FLT4: variants seen among roughly 807,000 people sequenced by gnomAD.
The protein encoded by FLT4 is fms related receptor tyrosine kinase 4.
FLT4 carries 30 observed loss-of-function variants against 163.2 expected under a neutral mutation model. That is an observed-to-expected ratio of 0.18 (90% CI 0.14 to 0.25). The LOEUF (loss-of-function observed/expected upper bound fraction) is 0.25. Among genes scored for constraint, FLT4 ranks in the 10% least tolerant of loss-of-function variants. The probability of loss-of-function intolerance (pLI) is 1.00; values close to 1 mark genes in which losing one functional copy is unlikely to be tolerated. For synonymous variants in FLT4, 884 were observed against 789.5 expected (o/e 1.12, Z -2.01); for missense variants, 1,510 against 1,863.8 (o/e 0.81, Z 3.50).
At chr5:180,611,601 CGCA>C in intron 26 of FLT4, 122 bp from the exon 27 acceptor site, 2 of 1,074,348 alleles carry the variant, frequency 1.9e-6, no homozygotes, top group Non-Finnish European at 2.7e-6. Context: ...CCCTCGCCCC[CGCA>C]CTCAGCTCTC....
intron 27 of FLT4, among the ~76,000 whole-genome samples, chr5:180,610,310 C>T (rs1404912226): frequency 6.6e-6 from 1 of 152,248 alleles, no homozygotes; most frequent in Non-Finnish European, 1.5e-5. Context: ...TGGCATGGAG[C>T]TCCTCCCGGG....
chr5:180,630,796 T>G lies in FLT4; in HGVS notation c.159A>C (p.Gly53=). 1.9e-6 allele frequency: 3 copies of G among 1,601,596 alleles called. No individual in the cohort carries two copies. Among genetic ancestry groups the G allele is most frequent in the Non-Finnish European group, 2.5e-6 (3 of 1,178,340 alleles). The change falls in exon 3 of 30, where the codon GGA becomes GGC. Residue 53 remains glycine, a synonymous_variant. Transcript: ENST00000261937. The surrounding 1 kb of genome is among the most constrained non-coding windows in gnomAD (Gnocchi z 6.3). ...TGDSLSISCR[G]QHPLEWAWPG... Reference sequence around the variant, plus strand: ...GCCAAGCCCACTCGAGGGGGTGCTGTCCCCTGGCAGAGGACAGGAGTGGTC... The same window carrying G: ...GCCAAGCCCACTCGAGGGGGTGCTGGCCCCTGGCAGAGGACAGGAGTGGTC...
rs185500542 is a variant in FLT4, at chr5:180,617,121, C to T, written c.3002-127G>A. 176 of 730,702 alleles carry T rather than the reference C, an allele frequency of 2.4e-4. No individual in the cohort carries two copies. In the African/African-American group the frequency reaches 2.8e-3, roughly 11 times the overall value. The allele number at this position is 730,702 out of a possible 1,614,324, so 45.3% of individuals were successfully genotyped here. On this transcript the variant is annotated intron_variant, in intron 21 of 29. Coordinates refer to ENST00000261937, the MANE Select transcript of FLT4 (RefSeq NM_182925.5). ...CCCTCAGACTCTGGGACACCCACATCCTACTCCAGAGCACCCTCTCCTGCC... is the reference window on the plus strand; with the variant it reads ...CCCTCAGACTCTGGGACACCCACATTCTACTCCAGAGCACCCTCTCCTGCC...
chr5:180,640,253 C>G (rs1395323230), intron 1 of FLT4, among the ~76,000 whole-genome samples: 1 of 152,208 alleles, frequency 6.6e-6, no homozygotes, highest in Admixed American at 6.5e-5. Context: ...ATCCTCACAG[C>G]AGCCTGGGAG....
intron 1 of FLT4, among the ~76,000 whole-genome samples, chr5:180,641,693 CCT>C (rs984229459): frequency 6.6e-6 from 1 of 152,178 alleles, no homozygotes; most frequent in African/African-American, 2.4e-5. Flanking sequence ...GCCAGCAGCC[CCT>C]GTGCCTTCAG....
Position 180,624,831 on chromosome 5 carries a change from T to C in FLT4, c.1422-770A>G, listed in dbSNP as rs577532658. ...CAGCAAGCTTGGCCTCCTGCCAGGA[T>C]TGGGGGGGTAGTCTCAGGGCCCCAA... On this transcript the variant is annotated intron_variant, in intron 10 of 29. Transcript: ENST00000261937. 3.9e-3 allele frequency among the ~76,000 whole-genome samples: 591 copies of C among 152,294 alleles called. 3 individuals carry two copies. The highest frequency in any genetic ancestry group is 5.8e-3 in the Non-Finnish European group (395 of 68,018).
In FLT4 at chr5:180,620,764, G is replaced by A. The variant is rs199518698; in HGVS notation, c.2300-49C>T. 47 of 1,594,106 alleles carry A rather than the reference G, an allele frequency of 2.9e-5. No individual in the cohort carries two copies. In the East Asian group the frequency reaches 8.7e-4, roughly 30 times the overall value. On this transcript the variant is annotated intron_variant, in intron 15 of 29. Coordinates refer to ENST00000261937, the MANE Select transcript of FLT4 (RefSeq NM_182925.5). This position sits in a 1 kb window ranked among gnomAD's most constrained non-coding sequence, Gnocchi z 4.4. ...CGTGTGTGTGTGTGTGTGTAAGAGCGTGCACCTGCAGGCAGCACCCCTTCT... is the reference window on the plus strand; with the variant it reads ...CGTGTGTGTGTGTGTGTGTAAGAGCATGCACCTGCAGGCAGCACCCCTTCT...
chr5:180,613,455 G>T, intron 24 of FLT4: 1 of 311,950 alleles, frequency 3.2e-6, no homozygotes. Context: ...AGCCTCTCTT[G>T]CTTCTCGCTG....
chr5:180,633,029 G>A (rs1764304486), intron 1 of FLT4, among the ~76,000 whole-genome samples: 2 of 152,106 alleles, frequency 1.3e-5, no homozygotes, highest in Admixed American at 6.5e-5. Context: ...TGGGGTTTGA[G>A]GCAGCAGTAG....
intron 1 of FLT4, among the ~76,000 whole-genome samples, chr5:180,643,917 T>G (rs2127868681): frequency 6.6e-6 from 1 of 151,764 alleles, no homozygotes; most frequent in South Asian, 2.1e-4. Flanking sequence ...CGCCTCCCAG[T>G]TTCAAACAGT....
At position 180,613,035 on chromosome 5, in the gene FLT4, G is replaced by A. The variant is rs749833398; in HGVS notation, c.3407C>T (p.Ala1136Val). Residue 1136 changes from alanine to valine, a missense_variant, in exon 25 of 30, where the codon GCC becomes GTC. Physicochemically the swap from Ala to Val is moderately conservative, Grantham distance 64. This residue lies in a region of FLT4 where 295 missense variants were observed against 311.0 expected (regional missense o/e 0.95). Transcript: ENST00000261937. ...QRLRDGTRMR[A>V]PELATPAIRR... ...CATGGCGGGAGTGGCCAGCTCCGGG[G>A]CCCTCATCCTTGTGCCGTCTCTCAG... is the stretch of plus-strand genomic sequence containing the variant. 3.1e-6 allele frequency: 5 copies of A among 1,613,342 alleles called. No homozygotes were observed. Among genetic ancestry groups the A allele is most frequent in the African/African-American group, 1.3e-5 (1 of 75,024 alleles).
Position 180,618,908 on chromosome 5 carries a change from C to G in FLT4, c.2863G>C (p.Glu955Gln), listed in dbSNP as rs751201470. 8.3e-5 allele frequency: 132 copies of G among 1,585,514 alleles called. No individual in the cohort carries two copies. The highest frequency in any genetic ancestry group is 4.8e-5 in the Non-Finnish European group (56 of 1,166,910). ...AFSPCAEKSPEQRGRFRAMVE... is the reference protein window; with the variant it reads ...AFSPCAEKSPQQRGRFRAMVE... ...ATGGCGCGGAAGCGTCCGCGCTGCTCGGGAGACTTCTCCTGCGGATGCACG... is the reference window on the plus strand; with the variant it reads ...ATGGCGCGGAAGCGTCCGCGCTGCTGGGGAGACTTCTCCTGCGGATGCACG... Residue 955 changes from glutamate to glutamine, a missense_variant, in exon 21 of 30, where the codon GAG becomes CAG. Glu to Gln is a conservative substitution (Grantham distance 29). Transcript: ENST00000261937.
intron 11 of FLT4, 87 bp from the exon 12 acceptor site, chr5:180,622,926 C>CCT: frequency 2.0e-6 from 1 of 506,224 alleles, no homozygotes; most frequent in Non-Finnish European, 3.4e-6. Flanking sequence ...TCGCTGTGCA[C>CCT]CACCCCCCCC....
intron 29 of FLT4, among the ~76,000 whole-genome samples, chr5:180,604,665 G>A (rs1761695699): frequency 6.6e-6 from 1 of 152,112 alleles, no homozygotes; most frequent in Admixed American, 6.5e-5. Flanking sequence ...CCATCCTCAA[G>A]CGCTCACTTT....
At position 180,629,018 on chromosome 5, in the gene FLT4, C is replaced by A. The variant is rs1311069203; in HGVS notation, c.986-19G>T. On this transcript the variant is annotated intron_variant, in intron 7 of 29. Coordinates refer to ENST00000261937, the MANE Select transcript of FLT4 (RefSeq NM_182925.5). ...GGATTTTCTGCCGGACAGGAGAAGTCACTGTAAATCCAGGACTGACCCGTC... is the reference window on the plus strand; with the variant it reads ...GGATTTTCTGCCGGACAGGAGAAGTAACTGTAAATCCAGGACTGACCCGTC... The A allele has an allele frequency of 1.9e-6, 3 of 1,597,214 alleles. No homozygotes were observed. The highest frequency in any genetic ancestry group is 2.6e-6 in the Non-Finnish European group (3 of 1,166,112).
Position 180,629,283 on chromosome 5 carries a change from C to A in FLT4, c.961G>T (p.Glu321Ter). Residue 321 changes from glutamate (E) to a stop codon, truncating the protein, a stop_gained, in exon 7 of 30, where the codon GAG (glutamate) becomes TAG (stop). Transcript: ENST00000261937. LOFTEE classifies it high-confidence loss of function. The part of the protein sequence containing the change: ...KANNGIQRFR[E>*]STEVIVHENP... ...CCATGCACAATGACCTCGGTGCTCT[C>A]CCGAAATCGCTGGATGCCGTTGTTG... 1 of 1,613,200 alleles carries A rather than the reference C, an allele frequency of 6.2e-7. No individual in the cohort carries two copies.
chr5:180,644,398 AAAGT>A (rs1232685423), intron 1 of FLT4, among the ~76,000 whole-genome samples: 1 of 152,242 alleles, frequency 6.6e-6, no homozygotes, highest in African/African-American at 2.4e-5. Context: ...CTGGGACAGC[AAAGT>A]AAAAATGGCC....
In FLT4 at chr5:180,603,237, G is replaced by A. The variant is rs2127781627; in HGVS notation, c.4047C>T (p.Cys1349=). The change falls in exon 30 of 30, where the codon TGC becomes TGT. Residue 1349 remains cysteine, a synonymous_variant. Transcript: ENST00000261937. ...ELSEPSEEDH[C]SPSARVTFFT... is the part of the protein sequence containing the mutation. ...AGAAAGTCACGCGGGCAGACGGGGA[G>A]CAGTGGTCCTCCTCGCTTGGCTCCG... The A allele has an allele frequency of 1.9e-6, 3 of 1,614,202 alleles. No individual in the cohort carries two copies. Among genetic ancestry groups the A allele is most frequent in the Non-Finnish European group, 2.5e-6 (3 of 1,180,042 alleles).
chr5:180,650,133 A>G (rs62407090), upstream of FLT4, among the ~76,000 whole-genome samples: 273 of 141,224 alleles, frequency 1.9e-3, 2 homozygotes, highest in South Asian at 0.013. Flanking sequence ...GGTTGCAGTG[A>G]GCCGAGATCG....
Sources: gnomAD v4.1 joint callset for allele counts (sites outside exome capture counted in the v4.1 genomes callset) on GRCh38, gnomAD v4.1.1 for gene constraint, gnomAD v4.1.1 regional missense constraint, Gnocchi (gnomAD v3.1) non-coding constraint, MANE v1.5 for transcripts, NCBI Gene and HGNC (gene_info 2026-07-23, HGNC 2026-07-21) for gene names.